SPEF1: variants seen among roughly 807,000 people sequenced by gnomAD.
SPEF1 encodes the protein sperm flagella and cilia-associated protein 1.
A neutral mutation model predicts 31.8 loss-of-function variants in SPEF1; 30 were observed. The ratio of observed to expected loss-of-function variants is 0.94; its 90% CI spans 0.70 to 1.28. The LOEUF is 1.28. SPEF1 is among the 50% of genes most tolerant of loss of function. The probability of loss-of-function intolerance (pLI) is 0.00; values close to 1 mark genes in which losing one functional copy is unlikely to be tolerated. For missense variants in SPEF1, 298 were observed against 309.6 expected, an observed-to-expected ratio of 0.96 and a Z score of 0.28; for synonymous variants, 126 against 130.1, an observed-to-expected ratio of 0.97 and a Z score of 0.21.
In SPEF1 at chr20:3,778,807, C is replaced by CTA; in HGVS notation, c.419-2_419-1insTA. 6.2e-7 allele frequency: 1 copy of CTA among 1,614,066 alleles called. No individual in the cohort carries two copies. The highest frequency in any genetic ancestry group is 8.5e-7 in the Non-Finnish European group (1 of 1,179,986). On this transcript the variant is annotated splice_acceptor_variant, in intron 4 of 6. Transcript: ENST00000379756. LOFTEE classifies it high-confidence loss of function. The stretch of plus-strand genomic sequence containing the variant: ...TCACCTCGGGCCTTCTGGGATACAC[C>CTA]TGAGACAAGGCAAGTGGAGGAATGA...
intron 2 of SPEF1, 89 bp from the exon 3 acceptor site, chr20:3,779,441 G>A: frequency 3.3e-6 from 4 of 1,200,766 alleles, no homozygotes; most frequent in South Asian, 1.4e-5. Context: ...GGTGGTTGCT[G>A]TTCTGAGTGT....
intron 1 of SPEF1, 94 bp downstream of exon 1, chr20:3,781,085 A>G: frequency 6.5e-7 from 1 of 1,545,836 alleles, no homozygotes; most frequent in Non-Finnish European, 8.8e-7. Flanking sequence ...ATTCCTCCCC[A>G]CTCCCACAAG....
At chr20:3,780,778 C>T (rs1320710051) in intron 1 of SPEF1, among the ~76,000 whole-genome samples, 5 of 152,084 alleles carry the variant, frequency 3.3e-5, no homozygotes, top group African/African-American at 9.7e-5. Context: ...AACACATGCA[C>T]ACAAGACCCC....
rs751091333 is a variant in SPEF1 at position 3,778,427 on chromosome 20, G to C, written c.597C>G (p.Thr199=). 3 of 1,613,838 alleles carry C rather than the reference G, an allele frequency of 1.9e-6. No homozygotes were observed. The highest frequency in any genetic ancestry group is 4.5e-5 in the East Asian group (2 of 44,880). ...GCCTTCCTAGACCCCTCACCTGCAC[G>C]GTCTCTTGAGAGGCCAACAGCTCCT... ...KEQELLASQE[T]VQVLQMKVRR... Residue 199 remains threonine, a synonymous_variant, in exon 6 of 7, where the codon ACC becomes ACG. Coordinates refer to ENST00000379756, the MANE Select transcript of SPEF1 (RefSeq NM_015417.5).
rs1471545414 is a variant in SPEF1 at position 3,778,165 on chromosome 20, G to A, written c.*47C>T. On this transcript the variant is annotated 3_prime_UTR_variant, in exon 7 of 7. Transcript: ENST00000379756. ...GGTGGGTGGGTCCGGCGCGGCGTCG[G>A]GGCTCTGGCGGGTACCCGGGCGTCC... 33 of 1,362,658 alleles carry A rather than the reference G, an allele frequency of 2.4e-5. No individual in the cohort carries two copies. Among genetic ancestry groups the A allele is most frequent in the Non-Finnish European group, 3.1e-5 (31 of 1,008,620 alleles). The allele number at this position is 1,362,658 out of a possible 1,614,324, so 84.4% of individuals were successfully genotyped here.
intron 5 of SPEF1, 42 bp downstream of exon 5, chr20:3,778,704 G>A (rs1470162971): frequency 1.2e-6 from 2 of 1,602,742 alleles, no homozygotes; most frequent in Non-Finnish European, 1.7e-6. Flanking sequence ...TGTGTGCAGA[G>A]ATCACCAGCC....
Position 3,779,695 on chromosome 20 carries a change from G to C in SPEF1, c.190C>G (p.Gln64Glu). 6.2e-7 allele frequency: 1 copy of C among 1,613,822 alleles called. No individual in the cohort carries two copies. ...AGATGACCCCAGTTGCTGAGCTTCT[G>C]CTGGAGAGAGTTGGCGGGGACATAA... ...HNYVPANSLQ[Q>E]KLSNWGHLNR... Residue 64 changes from glutamine (Q) to glutamate (E), a missense_variant, in exon 2 of 7, where the codon CAG becomes GAG. By Grantham distance (29) the Gln-to-Glu change is conservative. Coordinates refer to ENST00000379756, the MANE Select transcript of SPEF1 (RefSeq NM_015417.5).
intron 5 of SPEF1, 63 bp from the exon 6 acceptor site, chr20:3,778,607 C>T: frequency 6.4e-7 from 1 of 1,568,448 alleles, no homozygotes; most frequent in Non-Finnish European, 8.6e-7. Context: ...CCTTCCAGGG[C>T]CCTCGACCAG....
chr20:3,778,624 C>T (rs1284298607), intron 5 of SPEF1, 80 bp from the exon 6 acceptor site: 3 of 1,564,474 alleles, frequency 1.9e-6, no homozygotes, highest in Non-Finnish European at 1.7e-6. Flanking sequence ...CCAGGCCTTC[C>T]CTTCTCCCCC....
At position 3,778,327 on chromosome 20, in the gene SPEF1, G is replaced by A. The variant is rs2088757677; in HGVS notation, c.604-8C>T. On this transcript the variant is annotated splice_region_variant and splice_polypyrimidine_tract_variant and intron_variant, in intron 6 of 6. Transcript: ENST00000379756. ...TACCTTCATCTGCAGGACCTAAGCC[G>A]CACCGCGCAGGCGTCAAGCCTGGCG... is the stretch of plus-strand genomic sequence containing the variant. The A allele has an allele frequency of 6.2e-7, 1 of 1,612,038 alleles. No homozygotes were observed. The highest frequency in any genetic ancestry group is 8.5e-7 in the Non-Finnish European group (1 of 1,178,622).
In SPEF1 at chr20:3,777,773, A is replaced by C; in HGVS notation, c.*439T>G. On this transcript the variant is annotated 3_prime_UTR_variant, in exon 7 of 7. Transcript: ENST00000379756. The surrounding 1 kb of genome is among the most constrained non-coding windows in gnomAD (Gnocchi z 4.1). ...TCCCCCATGGCTGAGGGCATGGGGA[A>C]CTAGCCTGGATGGAGACGCCGCCGT... The C allele has an allele frequency of 6.4e-6, 1 of 155,506 alleles. No homozygotes were observed. The highest frequency in any genetic ancestry group is 1.4e-5 in the Non-Finnish European group (1 of 70,042). The allele number at this position is 155,506 out of a possible 1,614,324, so 9.6% of individuals were successfully genotyped here.
chr20:3,779,430 T>C, intron 2 of SPEF1, 78 bp from the exon 3 acceptor site: 1 of 1,264,026 alleles, frequency 7.9e-7, no homozygotes, highest in Non-Finnish European at 1.1e-6. Flanking sequence ...GAAGGGGGCA[T>C]GGTGGTTGCT....
chr20:3,778,970 G>T lies in SPEF1; in HGVS notation c.399C>A (p.Gly133=), dbSNP rs1433424704. 2 of 1,614,202 alleles carry T rather than the reference G, an allele frequency of 1.2e-6. No individual in the cohort carries two copies. Among genetic ancestry groups the T allele is most frequent in the Admixed American group, 3.3e-5 (2 of 60,030 alleles). Residue 133 remains glycine, a synonymous_variant, in exon 4 of 7, where the codon GGC becomes GGA. Transcript: ENST00000379756. ...CCTTACCCACATCCATGTAGCCACT[G>T]CCATCCTGGGGAGCCAGCTCCTGAA... ...GSLQELAPQD[G]SGYMDVGVSQ...
chr20:3,779,153 C>A, intron 3 of SPEF1, 43 bp downstream of exon 3: 1 of 1,545,416 alleles, frequency 6.5e-7, no homozygotes. Flanking sequence ...GCGCCCCCCA[C>A]CCAGCCCCCA....
Position 3,779,669 on chromosome 20 carries a change from C to T in SPEF1, c.216G>A (p.Leu72=), listed in dbSNP as rs1217187721. The change falls in exon 2 of 7, where the codon CTG becomes CTA. Residue 72 remains leucine (L), a synonymous_variant. Coordinates refer to ENST00000379756, the MANE Select transcript of SPEF1 (RefSeq NM_015417.5). ...LQQKLSNWGH[L]NRKVLKRLNF... Reference sequence around the variant, plus strand: ...CTGCACAGGTATTCTGCTACCTGTTCAGATGACCCCAGTTGCTGAGCTTCT... The same window carrying T: ...CTGCACAGGTATTCTGCTACCTGTTTAGATGACCCCAGTTGCTGAGCTTCT... The T allele has an allele frequency of 6.2e-7, 1 of 1,608,616 alleles. No individual in the cohort carries two copies. Among genetic ancestry groups the T allele is most frequent in the South Asian group, 1.1e-5 (1 of 90,942 alleles).
At chr20:3,781,156 T>G in intron 1 of SPEF1, 23 bp downstream of exon 1, 1 of 1,613,912 alleles carries the variant, frequency 6.2e-7, no homozygotes, top group Non-Finnish European at 8.5e-7. Context: ...GGACAGAACA[T>G]GCAGACACAC....
Position 3,781,161 on chromosome 20 carries a change from A to C in SPEF1, c.109+18T>G, listed in dbSNP as rs752167310. The C allele has an allele frequency of 6.2e-7, 1 of 1,614,072 alleles. No individual in the cohort carries two copies. Among genetic ancestry groups the C allele is most frequent in the South Asian group, 1.1e-5 (1 of 91,082 alleles). Reference sequence around the variant, plus strand: ...CGAACATACAGGACAGAACATGCAGACACACAAGGGCACACACCTCCATCG... The same window carrying C: ...CGAACATACAGGACAGAACATGCAGCCACACAAGGGCACACACCTCCATCG... On this transcript the variant is annotated intron_variant, in intron 1 of 6. Transcript: ENST00000379756.
At chr20:3,781,158 C>G (rs2088776952) in intron 1 of SPEF1, 21 bp downstream of exon 1, 2 of 1,613,812 alleles carry the variant, frequency 1.2e-6, no homozygotes, top group Non-Finnish European at 1.7e-6. Flanking sequence ...ACAGAACATG[C>G]AGACACACAA....
chr20:3,779,663 C>T lies in SPEF1; in HGVS notation c.221+1G>A, dbSNP rs1009606098. The T allele has an allele frequency of 1.2e-6, 2 of 1,602,056 alleles. No individual in the cohort carries two copies. Among genetic ancestry groups the T allele is most frequent in the African/African-American group, 1.3e-5 (1 of 74,604 alleles). On this transcript the variant is annotated splice_donor_variant, in intron 2 of 6. Transcript: ENST00000379756. LOFTEE classifies it high-confidence loss of function. Reference sequence around the variant, plus strand: ...ATGGGGCTGCACAGGTATTCTGCTACCTGTTCAGATGACCCCAGTTGCTGA... The same window carrying T: ...ATGGGGCTGCACAGGTATTCTGCTATCTGTTCAGATGACCCCAGTTGCTGA...
Sources: gnomAD v4.1 joint callset for allele counts (sites outside exome capture counted in the v4.1 genomes callset) on GRCh38, gnomAD v4.1.1 for gene constraint, Gnocchi (gnomAD v3.1) non-coding constraint, MANE v1.5 for transcripts, NCBI Gene and HGNC (gene_info 2026-07-23, HGNC 2026-07-21) for gene names.